Variants in SLC22A4 observed in about 807,000 individuals in gnomAD.
SLC22A4 encodes ET transporter.
Under a neutral mutation model 56.6 loss-of-function variants are expected in SLC22A4, and 39 were observed. The ratio of observed to expected loss-of-function variants is 0.69; its 90% confidence interval spans 0.53 to 0.90. The LOEUF is 0.90. SLC22A4 is among the 40% of genes least tolerant of loss of function. SLC22A4 has a pLI of 0.00. For synonymous variants in SLC22A4, 241 were observed against 281.4 expected (o/e 0.86, Z 1.44); for missense variants, 594 against 696.5 (o/e 0.85, Z 1.66).
At chr5:132,340,773 G>A in intron 9 of SLC22A4, 73 bp downstream of exon 9, 4 of 1,413,746 alleles carry the variant, frequency 2.8e-6, no homozygotes, top group Non-Finnish European at 4.0e-6. Context: ...AGCTAGGAAG[G>A]TTCTGAAATA....
chr5:132,324,457 C>T, intron 4 of SLC22A4: 2 of 469,290 alleles, frequency 4.3e-6, no homozygotes, highest in Non-Finnish European at 8.8e-6. Flanking sequence ...CTTCTATTCC[C>T]CAGGAGCTGG....
chr5:132,325,814 T>C (rs1477618512), intron 4 of SLC22A4, among the ~76,000 whole-genome samples: 3 of 152,060 alleles, frequency 2.0e-5, no homozygotes, highest in Admixed American at 1.3e-4. Flanking sequence ...CTGGACCAAA[T>C]TGAGGACCAG....
intron 1 of SLC22A4, among the ~76,000 whole-genome samples, chr5:132,296,578 C>T (rs1428284619): frequency 6.6e-6 from 1 of 152,246 alleles, no homozygotes; most frequent in African/African-American, 2.4e-5. Context: ...CTTTGGATCC[C>T]CCAGCATTGG....
intron 1 of SLC22A4, among the ~76,000 whole-genome samples, chr5:132,300,015 T>C (rs983766546): frequency 6.6e-6 from 1 of 152,242 alleles, no homozygotes; most frequent in African/African-American, 2.4e-5. Context: ...ATGTTGTATT[T>C]AGTTGTCATG....
chr5:132,312,407 G>A (rs574885548), intron 2 of SLC22A4, 143 bp downstream of exon 2: 52 of 688,074 alleles, frequency 7.6e-5, no homozygotes, highest in South Asian at 1.9e-4. Context: ...GAGGAGCCCC[G>A]ATGTCTCCTA....
intron 5 of SLC22A4, among the ~76,000 whole-genome samples, chr5:132,329,570 C>G (rs1462428200): frequency 1.3e-5 from 2 of 151,882 alleles, no homozygotes; most frequent in African/African-American, 4.8e-5. Flanking sequence ...TGACCTAGTT[C>G]TCCCAGGCAC....
At chr5:132,336,726 C>A (rs929469254) in intron 8 of SLC22A4, among the ~76,000 whole-genome samples, 3 of 152,004 alleles carry the variant, frequency 2.0e-5, no homozygotes, top group Non-Finnish European at 2.9e-5. Context: ...TAAGTATAAT[C>A]TACAGATAGA....
chr5:132,334,736 T>C lies in SLC22A4; in HGVS notation c.1065T>C (p.Gly355=). The change falls in exon 7 of 10, where the codon GGT becomes GGC. Residue 355 remains glycine (G), a synonymous_variant. Transcript: ENST00000200652. ...CTTTCAGGATGCTGACCTCAGTGGGTTACTTTGCTCTGTCTCTGGATGCTC... is the reference window on the plus strand; with the variant it reads ...CTTTCAGGATGCTGACCTCAGTGGGCTACTTTGCTCTGTCTCTGGATGCTC... The part of the protein sequence containing the change: ...SLLLWMLTSV[G]YFALSLDAPN... The C allele has an allele frequency of 6.2e-7, 1 of 1,613,540 alleles. No homozygotes were observed. The highest frequency in any genetic ancestry group is 1.1e-5 in the South Asian group (1 of 91,070).
At position 132,331,744 on chromosome 5, in the gene SLC22A4, T is replaced by C. The variant is rs1580843523; in HGVS notation, c.952-12T>C. The stretch of plus-strand genomic sequence containing the variant: ...CTTAATCTCATGGTTATTTGCATTA[T>C]TTTGGTTACAGGAGCTAAATCCCCT... On this transcript the variant is annotated splice_polypyrimidine_tract_variant and intron_variant, in intron 5 of 9. Transcript: ENST00000200652. 4 of 1,590,040 alleles carry C rather than the reference T, an allele frequency of 2.5e-6. No individual in the cohort carries two copies. The East Asian group carries it at 8.9e-5, about 36-fold the overall frequency.
At chr5:132,333,949 G>A (rs1750940573) in intron 6 of SLC22A4, among the ~76,000 whole-genome samples, 1 of 152,078 alleles carries the variant, frequency 6.6e-6, no homozygotes, top group South Asian at 2.1e-4. Context: ...GGGATTATAG[G>A]CACATGCCAC....
Position 132,294,595 on chromosome 5 carries a change from T to C in SLC22A4, c.-22T>C. 6.2e-7 allele frequency: 1 copy of C among 1,614,102 alleles called. No individual in the cohort carries two copies. Among genetic ancestry groups the C allele is most frequent in the Non-Finnish European group, 8.5e-7 (1 of 1,180,008 alleles). On this transcript the variant is annotated 5_prime_UTR_variant, in exon 1 of 10. Transcript: ENST00000200652. The surrounding 1 kb of genome is among the most constrained non-coding windows in gnomAD (Gnocchi z 5.6). ...CGCTGTCATCACCCGTAGTTGCAAGTTTCGGAGCGGCAGTGGGAAGCATGC... is the reference window on the plus strand; with the variant it reads ...CGCTGTCATCACCCGTAGTTGCAAGCTTCGGAGCGGCAGTGGGAAGCATGC...
At chr5:132,328,209 A>C (rs185578675) in intron 5 of SLC22A4, among the ~76,000 whole-genome samples, 56 of 152,294 alleles carry the variant, frequency 3.7e-4, no homozygotes, top group Non-Finnish European at 4.9e-4. Flanking sequence ...GGACAGCAGG[A>C]CTCACTTAAA....
chr5:132,314,894 A>G (rs966990265), intron 3 of SLC22A4, among the ~76,000 whole-genome samples: 19 of 152,198 alleles, frequency 1.2e-4, no homozygotes, highest in African/African-American at 4.3e-4. Flanking sequence ...CAAGGTGGGA[A>G]GAACATGCTG....
rs1580846228 is a variant in SLC22A4, at chr5:132,334,882, T to C, written c.1211T>C (p.Val404Ala). Residue 404 changes from valine to alanine, a missense_variant, in exon 7 of 10, where the codon GTA (valine) becomes GCA (alanine). Transcript: ENST00000200652. ...CCCAGGCGTTATATCATAGCTGCAG[T>C]ACTGTTCTGGGGAGGAGGTGTGCTT... The part of the protein sequence containing the change: ...TLPRRYIIAA[V>A]LFWGGGVLLF... 3.1e-6 allele frequency: 5 copies of C among 1,613,988 alleles called. No homozygotes were observed. The East Asian group carries it at 1.1e-4, about 36-fold the overall frequency.
intron 7 of SLC22A4, 69 bp downstream of exon 7, chr5:132,335,001 C>A: frequency 1.9e-6 from 2 of 1,039,576 alleles, no homozygotes; most frequent in Non-Finnish European, 3.0e-6. Context: ...GCTTCTGAGT[C>A]ACTGCTCCAT....
chr5:132,335,833 C>T lies in SLC22A4; in HGVS notation c.1277C>T (p.Ser426Phe). Reference sequence around the variant, plus strand: ...TCTTTTCCAGATTATTACTTCTTATCCATTGGTCTGGTCATGCTGGGAAAA... The same window carrying T: ...TCTTTTCCAGATTATTACTTCTTATTCATTGGTCTGGTCATGCTGGGAAAA... ...QLVPVDYYFLSIGLVMLGKFG... is the reference protein window; with the variant it reads ...QLVPVDYYFLFIGLVMLGKFG... The change falls in exon 8 of 10, where the codon TCC (serine) becomes TTC (phenylalanine). Residue 426 changes from serine to phenylalanine, a missense_variant. Transcript: ENST00000200652. 5 of 1,613,720 alleles carry T rather than the reference C, an allele frequency of 3.1e-6. No individual in the cohort carries two copies. Among genetic ancestry groups the T allele is most frequent in the African/African-American group, 2.7e-5 (2 of 75,026 alleles).
rs191121049 is a variant in SLC22A4, at chr5:132,334,797, C to T, written c.1126C>T (p.Leu376Phe). The T allele has an allele frequency of 1.2e-6, 2 of 1,614,076 alleles. No homozygotes were observed. Among genetic ancestry groups the T allele is most frequent in the Admixed American group, 1.7e-5 (1 of 60,026 alleles). ...TGGAGATGCCTACCTGAACTGTTTC[C>T]TCTCTGCCTTGATTGAAATTCCAGC... The part of the protein sequence containing the change: ...LHGDAYLNCF[L>F]SALIEIPAYI... The change falls in exon 7 of 10, where the codon CTC becomes TTC. Residue 376 changes from leucine (L) to phenylalanine (F), a missense_variant. Physicochemically the swap from Leu to Phe is conservative, Grantham distance 22. Transcript: ENST00000200652.
chr5:132,311,802 G>A (rs1308870427), intron 1 of SLC22A4: 3 of 362,778 alleles, frequency 8.3e-6, no homozygotes, highest in African/African-American at 6.2e-5. Flanking sequence ...GGCTTCTGAA[G>A]ATGCAGTGCC....
chr5:132,303,179 A>G (rs1749944649), intron 1 of SLC22A4, among the ~76,000 whole-genome samples: 1 of 152,240 alleles, frequency 6.6e-6, no homozygotes. Context: ...ATGTTTTGCC[A>G]AAGAAATACA....
Sources: allele counts gnomAD v4.1 joint callset (sites outside exome capture counted in the v4.1 genomes callset), GRCh38; gene constraint gnomAD v4.1.1; non-coding constraint Gnocchi (gnomAD v3.1); transcripts MANE v1.5; gene names NCBI Gene and HGNC (gene_info 2026-07-23, HGNC 2026-07-21).